The following GPATCH1 variants were observed in gnomAD, a reference collection of about 807,000 sequenced individuals.
GPATCH1 encodes G patch domain-containing protein 1.
A neutral mutation model predicts 114.9 loss-of-function variants in GPATCH1; 73 were observed. That is an observed-to-expected ratio of 0.64 (90% CI 0.53 to 0.77). The LOEUF (loss-of-function observed/expected upper bound fraction) is 0.77, where lower values mean the gene tolerates loss of function less well. Ranked by LOEUF, GPATCH1 falls within the 30% of genes least tolerant of loss-of-function variation. GPATCH1 has a pLI of 0.00. For synonymous variants in GPATCH1, 391 were observed against 428.4 expected, an observed-to-expected ratio of 0.91 and a Z score of 1.08; for missense variants, 1,058 against 1,144.3, an observed-to-expected ratio of 0.92 and a Z score of 1.09.
chr19:33,100,619 G>T (rs1972715366), intron 8 of GPATCH1, among the ~76,000 whole-genome samples: 1 of 150,646 alleles, frequency 6.6e-6, no homozygotes, highest in Non-Finnish European at 1.5e-5. Flanking sequence ...AGCCCAACAG[G>T]AGTCAAAGCA....
chr19:33,118,697 C>T (rs933486776), intron 16 of GPATCH1, among the ~76,000 whole-genome samples: 2 of 152,128 alleles, frequency 1.3e-5, no homozygotes, highest in Non-Finnish European at 2.9e-5. Context: ...TCAGATGGCC[C>T]TTTCTTGGGG....
chr19:33,088,153 A>C lies in GPATCH1; in HGVS notation c.93A>C (p.Pro31=). 6 of 1,558,066 alleles carry C rather than the reference A, an allele frequency of 3.9e-6. No individual in the cohort carries two copies. The highest frequency in any genetic ancestry group is 5.2e-6 in the Non-Finnish European group (6 of 1,156,710). ...PLEEGERPKK[P]IPLQDQTVRD... Reference sequence around the variant, plus strand: ...TTTTAGGTGAAAGACCAAAGAAACCAATCCCTCTTCAGGATCAGACTGTCA... The same window carrying C: ...TTTTAGGTGAAAGACCAAAGAAACCCATCCCTCTTCAGGATCAGACTGTCA... The change falls in exon 2 of 20, where the codon CCA becomes CCC. Residue 31 remains proline (P), a synonymous_variant. Coordinates refer to ENST00000170564, the MANE Select transcript of GPATCH1 (RefSeq NM_018025.3).
rs755454340 is a variant in GPATCH1 at position 33,097,782 on chromosome 19, GA to G, written c.882del (p.Asp295MetfsTer17). On this transcript the variant is annotated frameshift_variant, in exon 8 of 20. Transcript: ENST00000170564. LOFTEE classifies it high-confidence loss of function. Reference sequence around the variant, plus strand: ...TTTTGGTGTAGGTGCCCTGGAAGAGGAAGATGATGATATCTATGCCACAGAA... The same window carrying G: ...TTTTGGTGTAGGTGCCCTGGAAGAGGAGATGATGATATCTATGCCACAGAA... ...QAFGVGALEE[E>X]DDDIYATETL... 2 of 1,614,016 alleles carry G rather than the reference GA, an allele frequency of 1.2e-6. No individual in the cohort carries two copies. The highest frequency in any genetic ancestry group is 1.7e-6 in the Non-Finnish European group (2 of 1,179,896).
intron 17 of GPATCH1, among the ~76,000 whole-genome samples, chr19:33,122,087 C>G (rs771848676): frequency 6.9e-5 from 10 of 144,104 alleles, no homozygotes; most frequent in African/African-American, 2.6e-4. Context: ...GGCGCGATCT[C>G]GGCTCACTGC....
At chr19:33,119,211 G>T in intron 17 of GPATCH1, 94 bp downstream of exon 17, 1 of 596,256 alleles carries the variant, frequency 1.7e-6, no homozygotes, top group Non-Finnish European at 2.9e-6. Flanking sequence ...AAACATACGT[G>T]CTTGCTTCTG....
rs1341090117 is a variant in GPATCH1 at position 33,093,478 on chromosome 19, T to C, written c.414T>C (p.Ile138=). Residue 138 remains isoleucine (I), a synonymous_variant, in exon 4 of 20, where the codon ATT becomes ATC. Coordinates refer to ENST00000170564, the MANE Select transcript of GPATCH1 (RefSeq NM_018025.3). ...AGTTGGCCGCTGCTACTGCCCCTAT[T>C]CCTGGAGCCACCCTCCTTGATGACC... ...ARQLAAATAP[I]PGATLLDDLI... The C allele has an allele frequency of 6.2e-7, 1 of 1,614,014 alleles. No individual in the cohort carries two copies. The highest frequency in any genetic ancestry group is 1.1e-5 in the South Asian group (1 of 91,074).
rs145927315 is a variant in GPATCH1, at chr19:33,096,253, A to C, written c.659A>C (p.Lys220Thr). The change falls in exon 7 of 20, where the codon AAA becomes ACA. Residue 220 changes from lysine to threonine, a missense_variant. Transcript: ENST00000170564. ...YLPDNVTFAP[K>T]DVTPVDFTPK... ...CCTGATAATGTGACCTTTGCACCCA[A>C]AGATGTCACACCTGTGGATTTCACA... is the stretch of plus-strand genomic sequence containing the variant. 8.7e-5 allele frequency: 141 copies of C among 1,612,992 alleles called. No individual in the cohort carries two copies. Among genetic ancestry groups the C allele is most frequent in the Non-Finnish European group, 1.1e-4 (135 of 1,179,050 alleles).
At chr19:33,126,089 G>C (rs1973037650) in intron 18 of GPATCH1, among the ~76,000 whole-genome samples, 2 of 152,162 alleles carry the variant, frequency 1.3e-5, no homozygotes, top group South Asian at 4.2e-4. Context: ...GCGGATGACG[G>C]GCGTTCCCTC....
At chr19:33,092,700 C>T (rs1383840417) in intron 3 of GPATCH1, among the ~76,000 whole-genome samples, 1 of 152,232 alleles carries the variant, frequency 6.6e-6, no homozygotes, top group African/African-American at 2.4e-5. Flanking sequence ...CTGGCACTCA[C>T]ACTTGTGAAT....
In GPATCH1 at chr19:33,121,069, G is replaced by A. The variant is rs1036870937; in HGVS notation, c.2521+1952G>A. 8.6e-5 allele frequency among the ~76,000 whole-genome samples: 13 copies of A among 151,210 alleles called. 2 individuals carry two copies. The highest frequency in any genetic ancestry group is 5.9e-4 in the Admixed American group (9 of 15,168). On this transcript the variant is annotated intron_variant, in intron 17 of 19. Transcript: ENST00000170564. ...TAAAAAAATAGTATACAAAATTGGA[G>A]GGGAATTGCAAGAAGAGTATTTAAG...
intron 3 of GPATCH1, among the ~76,000 whole-genome samples, chr19:33,093,119 C>T (rs536322860): frequency 3.9e-5 from 6 of 152,118 alleles, no homozygotes; most frequent in African/African-American, 7.2e-5. Context: ...ACCCGGGAGG[C>T]GGAGGTTGCA....
intron 4 of GPATCH1, among the ~76,000 whole-genome samples, chr19:33,093,737 T>C (rs115208971): frequency 0.025 from 3,851 of 152,260 alleles, 146 homozygotes; most frequent in African/African-American, 0.088. Context: ...TCTCAGAGGC[T>C]GGAGAGCTGT....
At chr19:33,097,006 C>T (rs1186275486) in intron 7 of GPATCH1, among the ~76,000 whole-genome samples, 4 of 147,832 alleles carry the variant, frequency 2.7e-5, no homozygotes, top group Non-Finnish European at 4.5e-5. Flanking sequence ...AGTGCAATGG[C>T]GCGATCTCGG....
At chr19:33,087,984 T>G in intron 1 of GPATCH1, 150 bp from the exon 2 acceptor site, 1 of 496,206 alleles carries the variant, frequency 2.0e-6, no homozygotes, top group South Asian at 3.5e-5. Flanking sequence ...TATAAAGCAG[T>G]AAAGTCTAGG....
At chr19:33,108,565 C>T (rs772374268) in intron 10 of GPATCH1, among the ~76,000 whole-genome samples, 2 of 151,934 alleles carry the variant, frequency 1.3e-5, no homozygotes, top group Non-Finnish European at 2.9e-5. Flanking sequence ...CAGCCTTCCC[C>T]GACCACCATA....
At chr19:33,081,382 A>C in intron 1 of GPATCH1, 116 bp downstream of exon 1, 384 of 737,278 alleles carry the variant, frequency 5.2e-4, no homozygotes, top group Non-Finnish European at 6.5e-4. Flanking sequence ...AGCGCTGGGA[A>C]CACGGCGACG....
At chr19:33,086,915 A>G (rs943327444) in intron 1 of GPATCH1, among the ~76,000 whole-genome samples, 1 of 151,888 alleles carries the variant, frequency 6.6e-6, no homozygotes, top group Non-Finnish European at 1.5e-5. Flanking sequence ...CAGAAGTTGC[A>G]GTGAGCCAAG....
chr19:33,095,632 G>C lies in GPATCH1; in HGVS notation c.554-130G>C, dbSNP rs1972648490. On this transcript the variant is annotated intron_variant, in intron 5 of 19. Coordinates refer to ENST00000170564, the MANE Select transcript of GPATCH1 (RefSeq NM_018025.3). ...ACCCAGGCTGGTCTTGAACTCCTGG[G>C]CTCAAGCGATCCTCTCACCTCAGCC... 3.6e-5 allele frequency: 25 copies of C among 702,962 alleles called. No homozygotes were observed. In the South Asian group the frequency reaches 3.9e-4, roughly 11 times the overall value. The allele number at this position is 702,962 out of a possible 1,614,324, so 43.5% of individuals were successfully genotyped here.
chr19:33,090,094 A>C (rs986960888), intron 2 of GPATCH1, among the ~76,000 whole-genome samples: 27 of 152,186 alleles, frequency 1.8e-4, no homozygotes, highest in Non-Finnish European at 3.7e-4. Context: ...AAAACTAAAC[A>C]ACTTTATGTG....
Sources: gnomAD v4.1 joint callset for allele counts (sites outside exome capture counted in the v4.1 genomes callset) on GRCh38, gnomAD v4.1.1 for gene constraint, MANE v1.5 for transcripts, NCBI Gene and HGNC (gene_info 2026-07-23, HGNC 2026-07-21) for gene names.